The following MGMT variants were observed in gnomAD, a reference collection of about 807,000 sequenced individuals.
MGMT encodes the protein methylated-DNA--protein-cysteine methyltransferase.
MGMT carries 14 observed loss-of-function variants against 15.9 expected under a neutral mutation model. That is an observed-to-expected ratio of 0.88 (90% confidence interval 0.58 to 1.37). MGMT has a LOEUF of 1.37. MGMT is among the 40% of genes most tolerant of loss of function. The probability of loss-of-function intolerance (pLI) is 0.00; values close to 1 mark genes in which losing one functional copy is unlikely to be tolerated. For missense variants in MGMT, 282 were observed against 268.1 expected (o/e 1.05, Z -0.36); for synonymous variants, 130 against 118.2 (o/e 1.10, Z -0.65).
intron 3 of MGMT, among the ~76,000 whole-genome samples, chr10:129,741,419 G>A (rs74421417): frequency 0.086 from 13,026 of 152,280 alleles, 800 homozygotes; most frequent in Non-Finnish European, 0.13. Context: ...GTGGTGCGAG[G>A]CGTGCAGCCC....
At chr10:129,622,867 C>T (rs1265040880) in intron 2 of MGMT, among the ~76,000 whole-genome samples, 1 of 152,056 alleles carries the variant, frequency 6.6e-6, no homozygotes, top group Non-Finnish European at 1.5e-5. Context: ...TTTGAGTAGC[C>T]CCTGGAATGT....
chr10:129,646,754 A>ATATATATTTTTTTTTTTTTTTTTTTTT, intron 2 of MGMT, among the ~76,000 whole-genome samples: 17 of 86,646 alleles, frequency 2.0e-4, no homozygotes, highest in Non-Finnish European at 3.9e-4. Context: ...ATATATATAT[A>ATATATATTTTTTTTTTTTTTTTTTTTT]TTTTCAGGGA....
rs537094602 is a variant in MGMT, at chr10:129,716,968, GCATGCATAACT to G, written c.274+8929_274+8939del. ...TACTAAGAAAAAAGGCCGCATTGAC[GCATGCATAACT>G]CATTGGCAGCGTCGGCCAGCTGTGC... On this transcript the variant is annotated intron_variant, in intron 3 of 4. Transcript: ENST00000651593. 5.5e-4 allele frequency among the ~76,000 whole-genome samples: 84 copies of G among 152,290 alleles called. No individual in the cohort carries two copies. In the South Asian group the frequency reaches 9.9e-3, roughly 18 times the overall value.
chr10:129,475,236 C>T (rs1453594467), intron 1 of MGMT, among the ~76,000 whole-genome samples: 1 of 151,996 alleles, frequency 6.6e-6, no homozygotes, highest in East Asian at 1.9e-4. Flanking sequence ...ATTGAGGCCA[C>T]TGTTGCAGGC....
intron 1 of MGMT, among the ~76,000 whole-genome samples, chr10:129,527,245 T>C (rs187387993): frequency 4.7e-4 from 72 of 152,324 alleles, no homozygotes; most frequent in African/African-American, 1.7e-3. Flanking sequence ...ACTATGGTAC[T>C]CTCAGCAACA....
intron 4 of MGMT, among the ~76,000 whole-genome samples, chr10:129,763,723 A>C (rs1216662914): frequency 6.6e-6 from 1 of 152,198 alleles, no homozygotes; most frequent in Non-Finnish European, 1.5e-5. Flanking sequence ...TGTATTATCT[A>C]ATAATGCCCT....
chr10:129,702,075 C>G (rs1848105887), intron 2 of MGMT: 2 of 152,174 alleles, frequency 1.3e-5, no homozygotes, highest in South Asian at 2.1e-4. Flanking sequence ...TTTTTCCAAG[C>G]CGGGGAAGGC....
chr10:129,545,808 T>C (rs1353959873), intron 2 of MGMT, among the ~76,000 whole-genome samples: 1 of 152,374 alleles, frequency 6.6e-6, no homozygotes, highest in Admixed American at 6.5e-5. Flanking sequence ...GTTTTAAAAG[T>C]GTTCATGTCA....
intron 2 of MGMT, among the ~76,000 whole-genome samples, chr10:129,655,896 G>A (rs1240304795): frequency 6.6e-6 from 1 of 152,196 alleles, no homozygotes; most frequent in Non-Finnish European, 1.5e-5. Context: ...ATTTTGCACT[G>A]AAAGAACGTG....
At chr10:129,618,768 T>TCAG (rs762920916) in intron 2 of MGMT, among the ~76,000 whole-genome samples, 2 of 150,686 alleles carry the variant, frequency 1.3e-5, no homozygotes, top group Non-Finnish European at 3.0e-5. Context: ...AATGCTATAT[T>TCAG]TTTAGTTTCA....
intron 2 of MGMT, among the ~76,000 whole-genome samples, chr10:129,689,467 T>C (rs1044734668): frequency 6.6e-6 from 1 of 152,146 alleles, no homozygotes; most frequent in African/African-American, 2.4e-5. Flanking sequence ...GTCTTGAACA[T>C]GGGGACAAAA....
chr10:129,502,098 G>C (rs554878700), intron 1 of MGMT, among the ~76,000 whole-genome samples: 2 of 152,360 alleles, frequency 1.3e-5, no homozygotes, highest in East Asian at 3.9e-4. Context: ...GTTTGGTGGT[G>C]GTTGTTACTG....
intron 3 of MGMT, among the ~76,000 whole-genome samples, chr10:129,722,772 A>G (rs955680604): frequency 6.6e-6 from 1 of 152,140 alleles, no homozygotes; most frequent in Non-Finnish European, 1.5e-5. Flanking sequence ...TTGTGAGGCC[A>G]TGGCAGGCGG....
At chr10:129,669,910 A>G (rs1056376209) in intron 2 of MGMT, among the ~76,000 whole-genome samples, 5 of 152,210 alleles carry the variant, frequency 3.3e-5, no homozygotes, top group Admixed American at 1.3e-4. Flanking sequence ...AGTCCGATTT[A>G]CAAAGCTATT....
intron 2 of MGMT, among the ~76,000 whole-genome samples, chr10:129,589,443 G>T (rs571326889): frequency 6.6e-6 from 1 of 152,216 alleles, no homozygotes; most frequent in Admixed American, 6.5e-5. Context: ...AACTCAGGTC[G>T]AATTTGGATT....
chr10:129,607,267 C>G (rs781721574), intron 2 of MGMT, among the ~76,000 whole-genome samples: 1 of 151,722 alleles, frequency 6.6e-6, no homozygotes, highest in African/African-American at 2.4e-5. Context: ...AGGAATATCC[C>G]GGGAAGAATT....
At chr10:129,737,968 A>G (rs531028202) in intron 3 of MGMT, among the ~76,000 whole-genome samples, 3 of 152,244 alleles carry the variant, frequency 2.0e-5, no homozygotes, top group Non-Finnish European at 4.4e-5. Flanking sequence ...GCTGTCAGAC[A>G]GGGACATTTA....
At chr10:129,515,738 G>T (rs948262451) in intron 1 of MGMT, among the ~76,000 whole-genome samples, 1 of 152,168 alleles carries the variant, frequency 6.6e-6, no homozygotes, top group African/African-American at 2.4e-5. Flanking sequence ...AGCTAGCGTG[G>T]CCTGCATACA....
At chr10:129,528,528 G>A (rs1394682366) in intron 1 of MGMT, among the ~76,000 whole-genome samples, 3 of 152,030 alleles carry the variant, frequency 2.0e-5, no homozygotes, top group Non-Finnish European at 2.9e-5. Flanking sequence ...GGGGGAGCGG[G>A]GGCGTGGGTG....
Sources: allele counts gnomAD v4.1 joint callset (sites outside exome capture counted in the v4.1 genomes callset), GRCh38; gene constraint gnomAD v4.1.1; transcripts MANE v1.5; gene names NCBI Gene and HGNC (gene_info 2026-07-23, HGNC 2026-07-21).